The following RANBP2 variants were observed in gnomAD, a reference collection of about 807,000 sequenced individuals.
RANBP2 encodes the protein E3 SUMO-protein ligase RanBP2.
A neutral mutation model predicts 303.6 loss-of-function variants in RANBP2; 57 were observed. The ratio of observed to expected loss-of-function variants is 0.19; its 90% CI spans 0.15 to 0.23. RANBP2 has a LOEUF of 0.23. Ranked by LOEUF, RANBP2 falls within the 10% of genes least tolerant of loss-of-function variation. The pLI, the probability that RANBP2 is intolerant of heterozygous loss-of-function variation, is 1.00. For synonymous variants in RANBP2, 1,167 were observed against 1,301.5 expected (o/e 0.90, Z 2.23); for missense variants, 3,138 against 3,780.8 (o/e 0.83, Z 4.46).
chr2:108,850,743 G>A, the RANBP2 span, among the ~76,000 whole-genome samples: 2 of 152,138 alleles, frequency 1.3e-5, no homozygotes, highest in Non-Finnish European at 2.9e-5. Flanking sequence ...GAGCCACTGC[G>A]CCTGGCCAGT....
At chr2:109,403,418 G>A in the RANBP2 span, among the ~76,000 whole-genome samples, 2 of 152,226 alleles carry the variant, frequency 1.3e-5, no homozygotes, top group African/African-American at 4.8e-5. Context: ...CTTCAGAGAT[G>A]AGGAAGCCGA....
chr2:109,149,628 G>A, the RANBP2 span, among the ~76,000 whole-genome samples: 1 of 152,186 alleles, frequency 6.6e-6, no homozygotes, highest in Admixed American at 6.5e-5. Context: ...CTCCCTGCAC[G>A]TGTCCATTGA....
At chr2:109,585,558 A>G in the RANBP2 span, among the ~76,000 whole-genome samples, 2 of 152,236 alleles carry the variant, frequency 1.3e-5, no homozygotes, top group African/African-American at 4.8e-5. Context: ...CCAAAAGCTT[A>G]AAGCTAAGAA....
chr2:109,584,390 G>A, the RANBP2 span, among the ~76,000 whole-genome samples: 5 of 144,634 alleles, frequency 3.5e-5, no homozygotes, highest in African/African-American at 1.0e-4. Flanking sequence ...CAGGATAACC[G>A]CTTGAACTGG....
chr2:108,835,017 T>G, the RANBP2 span, among the ~76,000 whole-genome samples: 22 of 152,244 alleles, frequency 1.4e-4, 1 homozygote, highest in Admixed American at 1.4e-3. Flanking sequence ...AGCAGATTGT[T>G]TTGCACTTGC....
chr2:108,954,932 C>T, the RANBP2 span, among the ~76,000 whole-genome samples: 1 of 152,278 alleles, frequency 6.6e-6, no homozygotes. Flanking sequence ...GATCCGTCTG[C>T]CTCAGCCTCC....
chr2:109,000,782 GCAACCCTATGA>G, the RANBP2 span, among the ~76,000 whole-genome samples: 1 of 152,124 alleles, frequency 6.6e-6, no homozygotes, highest in Non-Finnish European at 1.5e-5. Context: ...AACCCTTACT[GCAACCCTATGA>G]GATAGTCTTA....
chr2:109,170,973 A>G, the RANBP2 span, among the ~76,000 whole-genome samples: 1 of 152,248 alleles, frequency 6.6e-6, no homozygotes, highest in Non-Finnish European at 1.5e-5. Context: ...ACAGAGGCAC[A>G]CAGGGCGCTC....
chr2:109,369,374 G>A, the RANBP2 span, among the ~76,000 whole-genome samples: 6 of 152,106 alleles, frequency 3.9e-5, no homozygotes, highest in African/African-American at 1.2e-4. Context: ...AGAAAGAAAA[G>A]CCCCACACAC....
In RANBP2 at chr2:108,764,039, A is replaced by G. The variant is rs1445123032; in HGVS notation, c.3500A>G (p.Asp1167Gly). ...GGAAGTGCCCATGGGGATGATGATG[A>G]TGACGGTCCTCACTTTGAGCCTGTA... ...DGGSAHGDDD[D>G]DGPHFEPVVP... Residue 1167 changes from aspartate (D) to glycine (G), a missense_variant, in exon 20 of 29, where the codon GAT becomes GGT. This residue lies in a region of RANBP2 where 403 missense variants were observed against 376.7 expected (regional missense o/e 1.07). Transcript: ENST00000283195. 1.9e-6 allele frequency: 3 copies of G among 1,613,920 alleles called. No individual in the cohort carries two copies. The highest frequency in any genetic ancestry group is 2.5e-6 in the Non-Finnish European group (3 of 1,179,928).
chr2:108,986,163 GT>G, the RANBP2 span, among the ~76,000 whole-genome samples: 7 of 151,626 alleles, frequency 4.6e-5, no homozygotes, highest in East Asian at 5.8e-4. Flanking sequence ...GCCATTTTGA[GT>G]TTTTTTTTAG....
At chr2:109,652,445 T>C in the RANBP2 span, among the ~76,000 whole-genome samples, 2 of 152,176 alleles carry the variant, frequency 1.3e-5, no homozygotes, top group Non-Finnish European at 2.9e-5. Context: ...CAGGATGGTC[T>C]TGATCTCCTG....
At chr2:108,957,969 A>G in the RANBP2 span, among the ~76,000 whole-genome samples, 2 of 152,218 alleles carry the variant, frequency 1.3e-5, no homozygotes, top group African/African-American at 4.8e-5. Flanking sequence ...AAAATGAACT[A>G]CCAGCAGTTT....
At chr2:109,370,069 G>A in the RANBP2 span, among the ~76,000 whole-genome samples, 3 of 152,178 alleles carry the variant, frequency 2.0e-5, no homozygotes, top group African/African-American at 7.2e-5. Context: ...AGGCTGACAG[G>A]CCTTGGGGCG....
At chr2:109,463,785 C>T in the RANBP2 span, among the ~76,000 whole-genome samples, 1 of 152,204 alleles carries the variant, frequency 6.6e-6, no homozygotes, top group East Asian at 1.9e-4. Flanking sequence ...AGAATGATGC[C>T]TCTGTGACAT....
chr2:109,263,891 C>T, the RANBP2 span, among the ~76,000 whole-genome samples: 1 of 152,194 alleles, frequency 6.6e-6, no homozygotes, highest in Admixed American at 6.5e-5. Flanking sequence ...ATGGTGTGAA[C>T]CCAGGAGACG....
chr2:108,978,540 C>G, the RANBP2 span, among the ~76,000 whole-genome samples: 1 of 152,194 alleles, frequency 6.6e-6, no homozygotes, highest in Non-Finnish European at 1.5e-5. Flanking sequence ...CAGATCCTCC[C>G]AAGGAGGCTG....
the RANBP2 span, among the ~76,000 whole-genome samples, chr2:109,072,185 C>G: frequency 2.6e-5 from 4 of 152,196 alleles, no homozygotes; most frequent in African/African-American, 7.2e-5. Flanking sequence ...TTGATGAAGA[C>G]TTAGAATACT....
chr2:108,968,422 G>A, the RANBP2 span, among the ~76,000 whole-genome samples: 2 of 152,300 alleles, frequency 1.3e-5, no homozygotes, highest in East Asian at 1.9e-4. Context: ...AACCAGGGAT[G>A]TAGCATTTTC....
Sources: gnomAD v4.1 joint callset for allele counts (sites outside exome capture counted in the v4.1 genomes callset) on GRCh38, gnomAD v4.1.1 for gene constraint, gnomAD v4.1.1 regional missense constraint, MANE v1.5 for transcripts, NCBI Gene and HGNC (gene_info 2026-07-23, HGNC 2026-07-21) for gene names.